The following TMTC2 variants were observed in gnomAD, a reference collection of about 807,000 sequenced individuals.
TMTC2 encodes the protein transmembrane O-mannosyltransferase targeting cadherins 2.
Under a neutral mutation model 82.4 loss-of-function variants are expected in TMTC2, and 43 were observed. The ratio of observed to expected loss-of-function variants is 0.52; its 90% confidence interval spans 0.41 to 0.67. The LOEUF (loss-of-function observed/expected upper bound fraction) is 0.67, where lower values mean the gene tolerates loss of function less well. TMTC2 is among the 30% of genes least tolerant of loss of function. The probability of loss-of-function intolerance (pLI) is 0.00; values close to 1 mark genes in which losing one functional copy is unlikely to be tolerated. For missense variants in TMTC2, 919 were observed against 1,012.4 expected (o/e 0.91, Z 1.25); for synonymous variants, 408 against 381.9 (o/e 1.07, Z -0.80).
chr12:83,051,829 A>G (rs1485157483), intron 10 of TMTC2, among the ~76,000 whole-genome samples: 1 of 152,130 alleles, frequency 6.6e-6, no homozygotes, highest in Non-Finnish European at 1.5e-5. Context: ...AGAGCAAAAA[A>G]ACTAAAATAT....
chr12:83,038,383 C>G (rs1387275444), intron 9 of TMTC2, among the ~76,000 whole-genome samples: 1 of 152,064 alleles, frequency 6.6e-6, no homozygotes, highest in African/African-American at 2.4e-5. Context: ...CGAATTCCCT[C>G]AAGCTGCTCT....
chr12:82,953,000 G>A (rs983195772), intron 4 of TMTC2, among the ~76,000 whole-genome samples: 1 of 152,130 alleles, frequency 6.6e-6, no homozygotes, highest in Non-Finnish European at 1.5e-5. Context: ...TTTTAAATCT[G>A]TCTTTTAAAA....
chr12:83,023,113 C>T (rs1881007625), intron 8 of TMTC2, among the ~76,000 whole-genome samples: 1 of 152,150 alleles, frequency 6.6e-6, no homozygotes, highest in Admixed American at 6.5e-5. Flanking sequence ...AAATTTCCCC[C>T]AGGATGTTTT....
chr12:83,104,519 C>T (rs895331226), intron 11 of TMTC2, among the ~76,000 whole-genome samples: 5 of 152,186 alleles, frequency 3.3e-5, no homozygotes, highest in Non-Finnish European at 5.9e-5. Flanking sequence ...TTACAGCTTG[C>T]ATTTGCCAAA....
chr12:82,870,775 G>T (rs867220486), intron 2 of TMTC2, among the ~76,000 whole-genome samples: 5 of 152,168 alleles, frequency 3.3e-5, no homozygotes, highest in Admixed American at 1.3e-4. Context: ...ATGTAAAAGT[G>T]AAAATGACTC....
chr12:83,058,982 G>A (rs1466438420), intron 10 of TMTC2, among the ~76,000 whole-genome samples: 1 of 151,814 alleles, frequency 6.6e-6, no homozygotes, highest in African/African-American at 2.4e-5. Flanking sequence ...TGGTGGTATT[G>A]TAACTGGTAA....
At chr12:82,690,870 C>T (rs1214848633) in intron 1 of TMTC2, among the ~76,000 whole-genome samples, 1 of 152,130 alleles carries the variant, frequency 6.6e-6, no homozygotes, top group Admixed American at 6.5e-5. Flanking sequence ...AGTGGTAAAA[C>T]TTCTCTGACC....
intron 1 of TMTC2, among the ~76,000 whole-genome samples, chr12:82,791,323 A>C (rs1280377577): frequency 2.0e-5 from 3 of 152,024 alleles, no homozygotes; most frequent in African/African-American, 7.2e-5. Context: ...TACTTTGGAC[A>C]TTGCAATAAT....
At chr12:82,851,442 A>G (rs944143187) in intron 1 of TMTC2, among the ~76,000 whole-genome samples, 2 of 152,164 alleles carry the variant, frequency 1.3e-5, no homozygotes, top group African/African-American at 4.8e-5. Context: ...AATTGCTAAC[A>G]TATGTTACCT....
At chr12:83,116,407 A>C (rs1163659013) in intron 11 of TMTC2, among the ~76,000 whole-genome samples, 3 of 152,194 alleles carry the variant, frequency 2.0e-5, no homozygotes, top group Non-Finnish European at 4.4e-5. Context: ...TGCATGTGCA[A>C]GTATCTTTTC....
At chr12:83,047,790 A>G (rs1882197865) in intron 9 of TMTC2, among the ~76,000 whole-genome samples, 1 of 152,236 alleles carries the variant, frequency 6.6e-6, no homozygotes, top group South Asian at 2.1e-4. Context: ...GGCAAAGCTA[A>G]TTTAAAACAT....
At chr12:82,974,303 A>T (rs1878573990) in intron 7 of TMTC2, among the ~76,000 whole-genome samples, 2 of 152,256 alleles carry the variant, frequency 1.3e-5, no homozygotes, top group African/African-American at 2.4e-5. Context: ...GGGACAATAC[A>T]TGTGGAGTAA....
At chr12:83,057,446 T>C (rs771206337) in intron 10 of TMTC2, among the ~76,000 whole-genome samples, 2 of 151,970 alleles carry the variant, frequency 1.3e-5, no homozygotes, top group Non-Finnish European at 2.9e-5. Context: ...AAACAATTTA[T>C]TGTAGAAGTT....
At chr12:82,921,779 CATCTATAGACAT>C (rs946690176) in intron 3 of TMTC2, among the ~76,000 whole-genome samples, 114 of 152,108 alleles carry the variant, frequency 7.5e-4, no homozygotes, top group African/African-American at 2.6e-3. Flanking sequence ...GATTTGCATT[CATCTATAGACAT>C]ACTCTGTTAA....
At chr12:82,702,777 G>A (rs964059000) in intron 1 of TMTC2, among the ~76,000 whole-genome samples, 1 of 152,114 alleles carries the variant, frequency 6.6e-6, no homozygotes, top group Non-Finnish European at 1.5e-5. Flanking sequence ...AAATAAAATA[G>A]CTGAGGCAGG....
intron 1 of TMTC2, among the ~76,000 whole-genome samples, chr12:82,828,835 C>G (rs1252774168): frequency 6.6e-6 from 1 of 151,898 alleles, no homozygotes; most frequent in African/African-American, 2.4e-5. Flanking sequence ...AATTCAGGAA[C>G]TAATTATTTT....
chr12:82,904,156 A>C (rs2137196576), intron 3 of TMTC2, among the ~76,000 whole-genome samples: 1 of 152,330 alleles, frequency 6.6e-6, no homozygotes, highest in South Asian at 2.1e-4. Flanking sequence ...TCTTAGTCTA[A>C]TACATTATTT....
At chr12:83,078,011 A>G (rs2137499704) in intron 11 of TMTC2, among the ~76,000 whole-genome samples, 1 of 151,822 alleles carries the variant, frequency 6.6e-6, no homozygotes, top group Middle Eastern at 3.4e-3. Flanking sequence ...GTGAATGGAA[A>G]ATTTCTAAGG....
intron 1 of TMTC2, among the ~76,000 whole-genome samples, chr12:82,835,436 TCA>T (rs1869983149): frequency 6.6e-6 from 1 of 152,208 alleles, no homozygotes; most frequent in Non-Finnish European, 1.5e-5. Context: ...TGCTGCTGAC[TCA>T]CATCTTCCTA....
Sources: allele counts gnomAD v4.1 joint callset (sites outside exome capture counted in the v4.1 genomes callset), GRCh38; gene constraint gnomAD v4.1.1; transcripts MANE v1.5; gene names NCBI Gene and HGNC (gene_info 2026-07-23, HGNC 2026-07-21).